The following ITGB6 variants were observed in gnomAD, a reference collection of about 807,000 sequenced individuals.
The protein encoded by ITGB6 is integrin subunit beta 6, also known as integrin beta-6.
A neutral mutation model predicts 84.5 loss-of-function variants in ITGB6; 80 were observed. The ratio of observed to expected loss-of-function variants is 0.95; its 90% CI spans 0.79 to 1.14. The LOEUF (loss-of-function observed/expected upper bound fraction) is 1.14. Ranked by LOEUF, ITGB6 falls within the 50% of genes most tolerant of loss-of-function variation. The pLI, the probability that ITGB6 is intolerant of heterozygous loss-of-function variation, is 0.00. For synonymous variants in ITGB6, 383 were observed against 354.9 expected (o/e 1.08, Z -0.89); for missense variants, 1,006 against 968.0 (o/e 1.04, Z -0.52).
At chr2:160,150,695 G>C (rs988406973) in intron 7 of ITGB6, among the ~76,000 whole-genome samples, 1 of 152,152 alleles carries the variant, frequency 6.6e-6, no homozygotes, top group Non-Finnish European at 1.5e-5. Flanking sequence ...CCATTGGTGT[G>C]TATTCAGGAG....
At chr2:160,115,479 C>T (rs1469830962) in intron 12 of ITGB6, among the ~76,000 whole-genome samples, 1 of 152,202 alleles carries the variant, frequency 6.6e-6, no homozygotes, top group Non-Finnish European at 1.5e-5. Context: ...AACTAACAAA[C>T]AGAAAGGACA....
At chr2:160,133,415 C>T (rs1683552488) in intron 10 of ITGB6, among the ~76,000 whole-genome samples, 1 of 152,120 alleles carries the variant, frequency 6.6e-6, no homozygotes, top group Non-Finnish European at 1.5e-5. Context: ...AAAGAAAGTC[C>T]TTAGAGACCT....
At chr2:160,120,668 T>TAAAAAAAAAAAA (rs200095827) in intron 12 of ITGB6, among the ~76,000 whole-genome samples, 6 of 16,124 alleles carry the variant, frequency 3.7e-4, no homozygotes, top group Admixed American at 9.8e-4. Context: ...AGAGTATAAT[T>TAAAAAAAAAAAA]AAAAAAAAAA....
Position 160,107,835 on chromosome 2 carries a change from C to T in ITGB6, c.2112G>A (p.Lys704=). ...ACATGATCATGGGAATGTTTGGAGG[C>T]TTCGGACAATCTGCAGAAATAAAGA... ...IHSINEKDCP[K]PPNIPMIMLG... is the part of the protein sequence containing the mutation. Residue 704 remains lysine, a synonymous_variant, in exon 14 of 15, where the codon AAG becomes AAA. Transcript: ENST00000283249. The T allele has an allele frequency of 6.3e-7, 1 of 1,596,998 alleles. No homozygotes were observed. The highest frequency in any genetic ancestry group is 8.5e-7 in the Non-Finnish European group (1 of 1,169,610).
chr2:160,189,126 G>C (rs1343756961), intron 4 of ITGB6, among the ~76,000 whole-genome samples: 2 of 152,118 alleles, frequency 1.3e-5, no homozygotes, highest in Non-Finnish European at 1.5e-5. Flanking sequence ...TTAATAAATG[G>C]TGCTGGGAAA....
At chr2:160,123,710 C>A in intron 12 of ITGB6, 81 bp downstream of exon 12, 1 of 1,011,304 alleles carries the variant, frequency 9.9e-7, no homozygotes. Flanking sequence ...TACTAAATAG[C>A]CCTCGATTCA....
At position 160,195,534 on chromosome 2, in the gene ITGB6, G is replaced by A; in HGVS notation, c.428C>T (p.Ala143Val). Residue 143 changes from alanine to valine, a missense_variant, in exon 4 of 15, where the codon GCC becomes GTC. Ala to Val is a moderately conservative substitution (Grantham distance 64). Coordinates refer to ENST00000283249, the MANE Select transcript of ITGB6 (RefSeq NM_000888.5). ...TGTGTTGAGGTCGTCATCCATGGAG[G>A]CGGAGAGGTCCATGAGGTAATACAA... is the stretch of plus-strand genomic sequence containing the variant. The part of the protein sequence containing the change: ...VDLYYLMDLS[A>V]SMDDDLNTIK... 1 of 1,614,062 alleles carries A rather than the reference G, an allele frequency of 6.2e-7. No homozygotes were observed. Among genetic ancestry groups the A allele is most frequent in the South Asian group, 1.1e-5 (1 of 91,080 alleles).
chr2:160,106,858 G>T (rs946992223), intron 14 of ITGB6, among the ~76,000 whole-genome samples: 2 of 152,136 alleles, frequency 1.3e-5, no homozygotes, highest in African/African-American at 2.4e-5. Context: ...GGAGCATTGC[G>T]TCTACCTGTA....
intron 12 of ITGB6, among the ~76,000 whole-genome samples, chr2:160,121,964 G>C (rs1683060499): frequency 6.6e-6 from 1 of 151,148 alleles, no homozygotes. Flanking sequence ...GGGAAGGGTA[G>C]GTTGTTAAAA....
At chr2:160,150,110 T>C (rs907875905) in intron 7 of ITGB6, among the ~76,000 whole-genome samples, 4 of 152,036 alleles carry the variant, frequency 2.6e-5, no homozygotes, top group African/African-American at 4.8e-5. Flanking sequence ...CAGAGAACAC[T>C]ACAAAGATAC....
At chr2:160,165,076 C>A (rs1439527295) in intron 7 of ITGB6, among the ~76,000 whole-genome samples, 9 of 152,152 alleles carry the variant, frequency 5.9e-5, no homozygotes, top group Admixed American at 5.9e-4. Context: ...AAATAAAGAG[C>A]AATTTATTAC....
chr2:160,172,567 A>G lies in ITGB6; in HGVS notation c.921+2T>C. 6.3e-7 allele frequency: 1 copy of G among 1,597,372 alleles called. No homozygotes were observed. The highest frequency in any genetic ancestry group is 8.6e-7 in the Non-Finnish European group (1 of 1,166,024). On this transcript the variant is annotated splice_donor_variant, in intron 6 of 14. Transcript: ENST00000283249. LOFTEE classifies it high-confidence loss of function. ...AAACAGTACAGAGTGCAGGTTACAC[A>G]CCAAGACAGTTGACATGGAGTATTC...
intron 14 of ITGB6, among the ~76,000 whole-genome samples, chr2:160,107,337 G>A (rs552801165): frequency 5.3e-5 from 8 of 152,068 alleles, no homozygotes; most frequent in South Asian, 2.1e-4. Flanking sequence ...TATAGCACCC[G>A]TGCTTTATCA....
At position 160,123,296 on chromosome 2, in the gene ITGB6, G is replaced by T. The variant is rs144187977; in HGVS notation, c.1981+495C>A. Among the ~76,000 whole-genome samples the T allele has an allele frequency of 1.9e-4, 29 of 152,268 alleles. 1 individual carries two copies. The East Asian group carries it at 5.4e-3, about 28-fold the overall frequency. Reference sequence around the variant, plus strand: ...TCATTGTAATGCCCATGTTTGGAAGGTTGGGAATAAAAGTATATGGAGGAG... The same window carrying T: ...TCATTGTAATGCCCATGTTTGGAAGTTTGGGAATAAAAGTATATGGAGGAG... On this transcript the variant is annotated intron_variant, in intron 12 of 14. Coordinates refer to ENST00000283249, the MANE Select transcript of ITGB6 (RefSeq NM_000888.5).
chr2:160,126,593 C>T lies in ITGB6; in HGVS notation c.1669G>A (p.Asp557Asn), dbSNP rs143914557. ...CACACACATTCACCACAGTCACAGTCGCCGTTACCTGTAACACAAAATGCT... is the reference window on the plus strand; with the variant it reads ...CACACACATTCACCACAGTCACAGTTGCCGTTACCTGTAACACAAAATGCT... Reference protein sequence around the residue: ...HKGLLCGGNGDCDCGECVCRS... With the variant: ...HKGLLCGGNGNCDCGECVCRS... The change falls in exon 11 of 15, where the codon GAC becomes AAC. Residue 557 changes from aspartate (D) to asparagine (N), a missense_variant. Transcript: ENST00000283249. 1.6e-5 allele frequency: 26 copies of T among 1,612,622 alleles called. No homozygotes were observed. Among genetic ancestry groups the T allele is most frequent in the Middle Eastern group, 1.9e-4 (1 of 5,268 alleles).
chr2:160,130,373 T>C lies in ITGB6; in HGVS notation c.1661-3772A>G, dbSNP rs543956947. ...CTATATATACACATACACACACGTA[T>C]GTATAGATGCTTCTGGACTTATGAT... On this transcript the variant is annotated intron_variant, in intron 10 of 14. Coordinates refer to ENST00000283249, the MANE Select transcript of ITGB6 (RefSeq NM_000888.5). Among the ~76,000 whole-genome samples the C allele has an allele frequency of 6.6e-5, 10 of 152,264 alleles. No homozygotes were observed. The East Asian group carries it at 1.2e-3, about 18-fold the overall frequency.
chr2:160,135,734 C>T (rs1401504296), intron 10 of ITGB6, among the ~76,000 whole-genome samples: 24 of 151,824 alleles, frequency 1.6e-4, no homozygotes, highest in Non-Finnish European at 3.4e-4. Context: ...GAACAGAGCC[C>T]TCAGAAATAA....
chr2:160,179,171 AT>A (rs1685559138), intron 4 of ITGB6: 1 of 152,070 alleles, frequency 6.6e-6, no homozygotes, highest in African/African-American at 2.4e-5. Flanking sequence ...TTTTAAATAA[AT>A]ATTTATAAAA....
At chr2:160,153,074 T>C (rs1467827519) in intron 7 of ITGB6, among the ~76,000 whole-genome samples, 2 of 152,148 alleles carry the variant, frequency 1.3e-5, no homozygotes, top group Non-Finnish European at 2.9e-5. Context: ...CTTCACAGAA[T>C]TGGAAAAAAC....
Sources: gnomAD v4.1 joint callset for allele counts (sites outside exome capture counted in the v4.1 genomes callset) on GRCh38, gnomAD v4.1.1 for gene constraint, MANE v1.5 for transcripts, NCBI Gene and HGNC (gene_info 2026-07-23, HGNC 2026-07-21) for gene names.